Variants in IL1RAPL2 observed in about 807,000 individuals in gnomAD.
The protein encoded by IL1RAPL2 is X-linked interleukin-1 receptor accessory protein-like 2.
In IL1RAPL2, 3 loss-of-function variants were observed where a neutral mutation model predicts 44.1. The ratio of observed to expected loss-of-function variants is 0.07; its 90% CI spans 0.03 to 0.18. IL1RAPL2 has a LOEUF of 0.18. Ranked by LOEUF, IL1RAPL2 falls within the 10% of genes least tolerant of loss-of-function variation. IL1RAPL2 has a pLI of 1.00. For missense variants in IL1RAPL2, 391 were observed against 496.4 expected, an observed-to-expected ratio of 0.79 and a Z score of 2.02; for synonymous variants, 181 against 178.8, an observed-to-expected ratio of 1.01 and a Z score of -0.10.
chrX:105,529,062 A>T (rs2036614151), intron 6 of IL1RAPL2, among the ~76,000 whole-genome samples: 1 of 111,685 alleles, frequency 9.0e-6, no homozygotes, highest in Admixed American at 9.5e-5. Flanking sequence ...TGATTTCATG[A>T]CATTGACATT....
At chrX:105,688,067 T>C (rs2037998896) in intron 6 of IL1RAPL2, among the ~76,000 whole-genome samples, 1 of 111,806 alleles carries the variant, frequency 8.9e-6, no homozygotes, top group Non-Finnish European at 1.9e-5. Flanking sequence ...TGATGGAACC[T>C]ATCTCAAAAT....
At chrX:105,372,349 T>C (rs1332236188) in intron 5 of IL1RAPL2, among the ~76,000 whole-genome samples, 1 of 108,598 alleles carries the variant, frequency 9.2e-6, no homozygotes, top group Admixed American at 9.9e-5. Flanking sequence ...GGCAGGAGAA[T>C]TGCTTGAACC....
chrX:105,751,176 G>A lies in IL1RAPL2; in HGVS notation c.1192+2073G>A, dbSNP rs1366692489. ...TTGGTACCAGATAGTCGTGGGGGCC[G>A]AGTCAAGAGAATCGCTTGAATCCAG... On this transcript the variant is annotated intron_variant, in intron 9 of 10. Transcript: ENST00000372582. Among the ~76,000 whole-genome samples, 6 of 110,471 alleles carry A rather than the reference G, an allele frequency of 5.4e-5. No homozygotes were observed. The East Asian group carries it at 8.5e-4, about 16-fold the overall frequency.
At chrX:105,462,730 G>T (rs992710411) in intron 5 of IL1RAPL2, among the ~76,000 whole-genome samples, 1 of 111,103 alleles carries the variant, frequency 9.0e-6, no homozygotes, top group Admixed American at 9.6e-5. Flanking sequence ...CAACCCAGTT[G>T]TTTTTAACAT....
intron 1 of IL1RAPL2, among the ~76,000 whole-genome samples, chrX:104,654,510 A>T: frequency 9.0e-6 from 1 of 111,158 alleles, no homozygotes; most frequent in Admixed American, 9.6e-5. Context: ...GAGCATAGGC[A>T]GCAAGGAGGA....
chrX:104,697,415 T>C (rs1448122521), intron 2 of IL1RAPL2, among the ~76,000 whole-genome samples: 1 of 112,708 alleles, frequency 8.9e-6, no homozygotes, highest in Admixed American at 9.4e-5. Flanking sequence ...CTTCAAGTGG[T>C]TCACTGAACT....
rs762802157 is a variant in IL1RAPL2 at position 104,985,248 on chromosome X, C to A, written c.83-210227C>A. On this transcript the variant is annotated intron_variant, in intron 2 of 10. Transcript: ENST00000372582. ...GATTACAGGTGTGTGCCACCATGCC[C>A]AGCTAATTTTTGCATTTTTAGTAGA... 9.1e-5 allele frequency among the ~76,000 whole-genome samples: 10 copies of A among 109,556 alleles called. No individual in the cohort carries two copies. The East Asian group carries it at 2.9e-3, about 32-fold the overall frequency.
intron 5 of IL1RAPL2, among the ~76,000 whole-genome samples, chrX:105,424,638 T>C (rs1415716953): frequency 9.1e-6 from 1 of 109,748 alleles, no homozygotes; most frequent in East Asian, 2.9e-4. Flanking sequence ...CAGTCCCAGC[T>C]ACTCTGGAGG....
At chrX:104,741,249 G>A (rs913981958) in intron 2 of IL1RAPL2, among the ~76,000 whole-genome samples, 3 of 111,160 alleles carry the variant, frequency 2.7e-5, no homozygotes, top group African/African-American at 9.8e-5. Flanking sequence ...TTATAAATCT[G>A]TAATTGACAG....
chrX:105,162,931 C>T (rs5916727), intron 2 of IL1RAPL2, among the ~76,000 whole-genome samples: 1,179 of 111,265 alleles, frequency 0.011, 11 homozygotes, highest in Non-Finnish European at 0.017. Flanking sequence ...CTCGTAATTC[C>T]ATCATGTTGG....
At chrX:105,751,376 T>A (rs906717456) in intron 9 of IL1RAPL2, among the ~76,000 whole-genome samples, 3 of 112,057 alleles carry the variant, frequency 2.7e-5, no homozygotes, top group Non-Finnish European at 5.6e-5. Flanking sequence ...TCTCTAAGAT[T>A]ATACAATTTA....
chrX:105,375,277 T>G (rs1046332187), intron 5 of IL1RAPL2, among the ~76,000 whole-genome samples: 1 of 110,842 alleles, frequency 9.0e-6, no homozygotes, highest in African/African-American at 3.3e-5. Context: ...TTTGGGAGGC[T>G]GAGGCAGCTG....
At position 104,714,377 on chromosome X, in the gene IL1RAPL2, A is replaced by T. The variant is rs1285040672; in HGVS notation, c.82+55382A>T. On this transcript the variant is annotated intron_variant, in intron 2 of 10. Transcript: ENST00000372582. ...ACCTGTCAAGGGTGGGACCAGGTGG[A>T]AAAAATTGAATCATGGGGGCAGTTT... is the stretch of plus-strand genomic sequence containing the variant. Among the ~76,000 whole-genome samples, 3 of 111,054 alleles carry T rather than the reference A, an allele frequency of 2.7e-5. No individual in the cohort carries two copies. The East Asian group carries it at 8.6e-4, about 32-fold the overall frequency.
At chrX:104,909,754 C>G (rs1475960460) in intron 2 of IL1RAPL2, among the ~76,000 whole-genome samples, 1 of 112,389 alleles carries the variant, frequency 8.9e-6, no homozygotes, top group East Asian at 2.8e-4. Context: ...TCAAAGCTGT[C>G]AGACAGGGAC....
At chrX:105,593,308 T>C (rs1329768700) in intron 6 of IL1RAPL2, among the ~76,000 whole-genome samples, 1 of 111,881 alleles carries the variant, frequency 8.9e-6, no homozygotes, top group African/African-American at 3.2e-5. Flanking sequence ...AAATGGCTAT[T>C]TTGTCTTTCC....
chrX:104,638,320 A>C, intron 1 of IL1RAPL2, among the ~76,000 whole-genome samples: 1 of 110,411 alleles, frequency 9.1e-6, no homozygotes, highest in Admixed American at 9.6e-5. Context: ...TTTTCATTCT[A>C]TTGGTCCTGT....
chrX:105,558,827 C>T (rs1056414132), intron 6 of IL1RAPL2, among the ~76,000 whole-genome samples: 1 of 112,201 alleles, frequency 8.9e-6, no homozygotes, highest in Non-Finnish European at 1.9e-5. Context: ...ACATCTGCTA[C>T]TGCTTAATCA....
At chrX:104,832,417 T>C (rs779607313) in intron 2 of IL1RAPL2, among the ~76,000 whole-genome samples, 1 of 111,458 alleles carries the variant, frequency 9.0e-6, no homozygotes, top group Non-Finnish European at 1.9e-5. Context: ...TGCTTTCACA[T>C]TGGTTTTCCT....
At position 104,627,816 on chromosome X, in the gene IL1RAPL2, C is replaced by T. The variant is rs549728433; in HGVS notation, c.-19-31079C>T. On this transcript the variant is annotated intron_variant, in intron 1 of 10. Coordinates refer to ENST00000372582, the MANE Select transcript of IL1RAPL2 (RefSeq NM_017416.2). ...TAAACCAAAAAGACTCTGGGTTGAA[C>T]GTGACCAGTAATTGCTCAACCTGCC... 4.2e-4 allele frequency among the ~76,000 whole-genome samples: 47 copies of T among 110,921 alleles called. No individual in the cohort carries two copies. The South Asian group carries it at 5.8e-3, about 14-fold the overall frequency.
Sources: gnomAD v4.1 joint callset for allele counts (sites outside exome capture counted in the v4.1 genomes callset) on GRCh38, gnomAD v4.1.1 for gene constraint, MANE v1.5 for transcripts, NCBI Gene and HGNC (gene_info 2026-07-23, HGNC 2026-07-21) for gene names.